The following ADAMTS8 variants were observed in gnomAD, a reference collection of about 807,000 sequenced individuals.
ADAMTS8 encodes A disintegrin and metalloproteinase with thrombospondin motifs 8.
In ADAMTS8, 50 loss-of-function variants were observed where a neutral mutation model predicts 64.4. The ratio of observed to expected loss-of-function variants is 0.78; its 90% CI spans 0.62 to 0.98. ADAMTS8 has a LOEUF of 0.98. Ranked by LOEUF, ADAMTS8 falls within the 50% of genes least tolerant of loss-of-function variation. The probability of loss-of-function intolerance (pLI) is 0.00; values close to 1 mark genes in which losing one functional copy is unlikely to be tolerated. For synonymous variants in ADAMTS8, 556 were observed against 533.6 expected (o/e 1.04, Z -0.58); for missense variants, 1,192 against 1,208.2 (o/e 0.99, Z 0.20).
At chr11:130,418,600 C>T (rs1480106080) in intron 2 of ADAMTS8, among the ~76,000 whole-genome samples, 1 of 152,260 alleles carries the variant, frequency 6.6e-6, no homozygotes, top group South Asian at 2.1e-4. Context: ...CAGGGCCTGG[C>T]ACACAGGATC....
In ADAMTS8 at chr11:130,428,449, C is replaced by T; in HGVS notation, c.-163G>A. ...CGGGGCCCGGCGGCGGGAGCGCTCCCCCGGCGGCCCCTCTGGCTGGCGCAG... is the reference window on the plus strand; with the variant it reads ...CGGGGCCCGGCGGCGGGAGCGCTCCTCCGGCGGCCCCTCTGGCTGGCGCAG... On this transcript the variant is annotated 5_prime_UTR_variant, in exon 1 of 9. Transcript: ENST00000257359. 3 of 1,037,808 alleles carry T rather than the reference C, an allele frequency of 2.9e-6. No homozygotes were observed. The highest frequency in any genetic ancestry group is 8.2e-5 in the South Asian group (2 of 24,300). The allele number at this position is 1,037,808 out of a possible 1,614,324, so 64.3% of individuals were successfully genotyped here. A position where few individuals can be genotyped will look rare whatever the true frequency, so the allele number is the denominator to read the frequency against.
intron 2 of ADAMTS8, among the ~76,000 whole-genome samples, chr11:130,418,285 A>G (rs1862054186): frequency 6.6e-6 from 1 of 152,218 alleles, no homozygotes; most frequent in Non-Finnish European, 1.5e-5. Context: ...CTGTCTTCAC[A>G]TCAGCCATTC....
rs1466036520 is a variant in ADAMTS8 at position 130,414,849 on chromosome 11, C to G, written c.1265-17G>C. ...GACAGTCTCCTGGGAAAAGAGGAAG[C>G]AGGGGTGTAAGAACATGCACAGGGC... On this transcript the variant is annotated splice_polypyrimidine_tract_variant and intron_variant, in intron 4 of 8. Transcript: ENST00000257359. 1.3e-6 allele frequency: 2 copies of G among 1,592,360 alleles called. No homozygotes were observed. The highest frequency in any genetic ancestry group is 1.1e-5 in the South Asian group (1 of 88,608).
chr11:130,409,897 G>A (rs1385947097), intron 6 of ADAMTS8, among the ~76,000 whole-genome samples: 2 of 152,280 alleles, frequency 1.3e-5, no homozygotes, highest in Non-Finnish European at 2.9e-5. Context: ...CTCTGAGTCA[G>A]TGCAGCTGAG....
rs1159465734 is a variant in ADAMTS8, at chr11:130,411,637, G to T, written c.1567-37C>A. The T allele has an allele frequency of 2.5e-6, 4 of 1,605,722 alleles. No homozygotes were observed. The highest frequency in any genetic ancestry group is 3.4e-6 in the Non-Finnish European group (4 of 1,174,204). Reference sequence around the variant, plus strand: ...AATGGCACACTGAATGAGGAGCAAAGGCCAGGAGGCTTCAGTATCTGTGTC... The same window carrying T: ...AATGGCACACTGAATGAGGAGCAAATGCCAGGAGGCTTCAGTATCTGTGTC... On this transcript the variant is annotated intron_variant, in intron 5 of 8. Coordinates refer to ENST00000257359, the MANE Select transcript of ADAMTS8 (RefSeq NM_007037.6). This position sits in a 1 kb window ranked among gnomAD's most constrained non-coding sequence, Gnocchi z 4.2.
At chr11:130,413,689 C>T (rs1213880123) in intron 5 of ADAMTS8, among the ~76,000 whole-genome samples, 1 of 152,148 alleles carries the variant, frequency 6.6e-6, no homozygotes, top group African/African-American at 2.4e-5. Context: ...TTCTGCCTGG[C>T]CAGAGGCAGC....
In ADAMTS8 at chr11:130,408,701, G is replaced by T; in HGVS notation, c.1924-62C>A. On this transcript the variant is annotated intron_variant, in intron 7 of 8. Coordinates refer to ENST00000257359, the MANE Select transcript of ADAMTS8 (RefSeq NM_007037.6). ...TGAGCACAGAAGCAGCCTGCCGGGG[G>T]GCGGGGGTGTGGGGACAGGCGACCT... 3.1e-6 allele frequency: 5 copies of T among 1,611,570 alleles called. 1 individual carries two copies. The South Asian group carries it at 5.5e-5, about 18-fold the overall frequency.
chr11:130,423,397 G>A (rs550074093), intron 1 of ADAMTS8, among the ~76,000 whole-genome samples: 1 of 152,184 alleles, frequency 6.6e-6, no homozygotes, highest in Non-Finnish European at 1.5e-5. Context: ...CAGAGCAGGG[G>A]GGGGCATGAA....
Position 130,416,808 on chromosome 11 carries a change from T to C in ADAMTS8, c.1096+132A>G, listed in dbSNP as rs1862031322. The C allele has an allele frequency of 1.4e-6, 2 of 1,395,148 alleles. No homozygotes were observed. The highest frequency in any genetic ancestry group is 1.8e-5 in the Admixed American group (1 of 56,100). The allele number at this position is 1,395,148 out of a possible 1,614,324, so 86.4% of individuals were successfully genotyped here. On this transcript the variant is annotated intron_variant, in intron 3 of 8. Transcript: ENST00000257359. This position sits in a 1 kb window ranked among gnomAD's most constrained non-coding sequence, Gnocchi z 4.8. ...AAGCGCGGTATCTGTTTGTATACAG[T>C]CACCCTGTCAAAATTAGGAGGAGCT...
In ADAMTS8 at chr11:130,408,640, C is replaced by T. The variant is rs968607763; in HGVS notation, c.1924-1G>A. Reference sequence around the variant, plus strand: ...GCCCACACAGGGTGCCATCAATCACCTGCAACGGGGAAAGGGAAGGTGAGG... The same window carrying T: ...GCCCACACAGGGTGCCATCAATCACTTGCAACGGGGAAAGGGAAGGTGAGG... On this transcript the variant is annotated splice_acceptor_variant, in intron 7 of 8. Coordinates refer to ENST00000257359, the MANE Select transcript of ADAMTS8 (RefSeq NM_007037.6). LOFTEE classifies it high-confidence loss of function. 1.2e-6 allele frequency: 2 copies of T among 1,613,950 alleles called. No homozygotes were observed. Among genetic ancestry groups the T allele is most frequent in the Non-Finnish European group, 1.7e-6 (2 of 1,179,868 alleles).
rs140731039 is a variant in ADAMTS8 at position 130,421,567 on chromosome 11, A to C, written c.721-2275T>G. On this transcript the variant is annotated intron_variant, in intron 1 of 8. Transcript: ENST00000257359. Reference sequence around the variant, plus strand: ...TTCTGTGGTCCAGTGTTCCCTTCAAAATCCCAGATCCCGATCCCACTGATC... The same window carrying C: ...TTCTGTGGTCCAGTGTTCCCTTCAACATCCCAGATCCCGATCCCACTGATC... 3.9e-5 allele frequency among the ~76,000 whole-genome samples: 6 copies of C among 152,252 alleles called. No individual in the cohort carries two copies. The East Asian group carries it at 1.2e-3, about 29-fold the overall frequency.
intron 1 of ADAMTS8, 105 bp downstream of exon 1, chr11:130,427,451 CTTTTTTTTTTT>C (rs36087476): frequency 4.6e-5 from 20 of 438,496 alleles, no homozygotes; most frequent in East Asian, 1.7e-4. Flanking sequence ...GTGGGGAGGG[CTTTTTTTTTTT>C]TTTTTTTTTT....
Position 130,428,556 on chromosome 11 carries a change from C to G in ADAMTS8, c.-270G>C, listed in dbSNP as rs1862217188. 1 of 593,114 alleles carries G rather than the reference C, an allele frequency of 1.7e-6. No individual in the cohort carries two copies. The allele number at this position is 593,114 out of a possible 1,614,324, so 36.7% of individuals were successfully genotyped here. A position where few individuals can be genotyped will look rare whatever the true frequency, so the allele number is the denominator to read the frequency against. ...GCGTGCGCCCGTCCTCCGCCCCTGC[C>G]CGCGCCAGCCCCGCGCAGCCGCCTC... On this transcript the variant is annotated 5_prime_UTR_variant, in exon 1 of 9. Transcript: ENST00000257359.
At chr11:130,408,332 G>A (rs970841584) in intron 8 of ADAMTS8, 132 bp downstream of exon 8, 34 of 1,074,062 alleles carry the variant, frequency 3.2e-5, no homozygotes, top group South Asian at 1.4e-4. Flanking sequence ...ACTGAAGCTC[G>A]GAGAGTTTAA....
chr11:130,414,146 C>T (rs55796939), intron 5 of ADAMTS8, among the ~76,000 whole-genome samples: 7,405 of 140,470 alleles, frequency 0.053, 224 homozygotes, highest in East Asian at 0.17. Context: ...TTTTTGGAGA[C>T]AGGGTCTCCC....
chr11:130,408,507 C>T lies in ADAMTS8; in HGVS notation c.2056G>A (p.Gly686Ser), dbSNP rs766565193. The stretch of plus-strand genomic sequence containing the variant: ...CCGGAGACCTTCCTGCAGGAGTTGC[C>T]TTTGCCCCCACACACCCCGCATTTG... ...LDKCGVCGGK[G>S]NSCRKVSGSL... Residue 686 changes from glycine (G) to serine (S), a missense_variant, in exon 8 of 9, where the codon GGC (glycine) becomes AGC (serine). Physicochemically the swap from Gly to Ser is moderately conservative, Grantham distance 56. Around this residue, in one of 5 missense-constraint regions of ADAMTS8, gnomAD observed 290 missense variants for 297.8 expected, o/e 0.97. Transcript: ENST00000257359. The T allele has an allele frequency of 1.9e-6, 3 of 1,613,960 alleles. No individual in the cohort carries two copies. Among genetic ancestry groups the T allele is most frequent in the African/African-American group, 1.3e-5 (1 of 74,900 alleles).
rs548738949 is a variant in ADAMTS8 at position 130,411,630 on chromosome 11, G to C, written c.1567-30C>G. The stretch of plus-strand genomic sequence containing the variant: ...AACATACAATGGCACACTGAATGAG[G>C]AGCAAAGGCCAGGAGGCTTCAGTAT... On this transcript the variant is annotated intron_variant, in intron 5 of 8. Coordinates refer to ENST00000257359, the MANE Select transcript of ADAMTS8 (RefSeq NM_007037.6). This position sits in a 1 kb window ranked among gnomAD's most constrained non-coding sequence, Gnocchi z 4.2. 6.2e-7 allele frequency: 1 copy of C among 1,611,312 alleles called. No homozygotes were observed. Among genetic ancestry groups the C allele is most frequent in the South Asian group, 1.1e-5 (1 of 90,794 alleles).
intron 1 of ADAMTS8, among the ~76,000 whole-genome samples, chr11:130,426,483 G>T (rs1265396438): frequency 6.6e-6 from 1 of 152,150 alleles, no homozygotes; most frequent in Non-Finnish European, 1.5e-5. Context: ...CTGTTTCAGG[G>T]AACTATGACG....
In ADAMTS8 at chr11:130,405,588, C is replaced by A; in HGVS notation, c.2640G>T (p.Lys880Asn). The A allele has an allele frequency of 9.3e-6, 15 of 1,609,244 alleles. No homozygotes were observed. Among genetic ancestry groups the A allele is most frequent in the Non-Finnish European group, 1.3e-5 (15 of 1,176,436 alleles). ...GGGGGCACAGCTGGCTTTCGCAGGG[C>A]TTGGCATCCTCGGGTTTCAGAGCCT... ...CNKALKPEDA[K>N]PCESQLCPL is the part of the protein sequence containing the mutation. The change falls in exon 9 of 9, where the codon AAG (lysine) becomes AAT (asparagine). Residue 880 changes from lysine to asparagine, a missense_variant. Physicochemically the swap from Lys to Asn is moderately conservative, Grantham distance 94. This residue lies in a region of ADAMTS8 where 147 missense variants were observed against 154.1 expected (regional missense o/e 0.95). Coordinates refer to ENST00000257359, the MANE Select transcript of ADAMTS8 (RefSeq NM_007037.6).
Sources: gnomAD v4.1 joint callset for allele counts (sites outside exome capture counted in the v4.1 genomes callset) on GRCh38, gnomAD v4.1.1 for gene constraint, gnomAD v4.1.1 regional missense constraint, Gnocchi (gnomAD v3.1) non-coding constraint, MANE v1.5 for transcripts, NCBI Gene and HGNC (gene_info 2026-07-23, HGNC 2026-07-21) for gene names.